Variants in CACNA2D3 observed in about 807,000 individuals in gnomAD.
CACNA2D3 encodes calcium voltage-gated channel auxiliary subunit alpha2delta 3, also known as voltage-dependent calcium channel subunit alpha-2/delta-3.
A neutral mutation model predicts 160.6 loss-of-function variants in CACNA2D3; 60 were observed. That is an observed-to-expected ratio of 0.37 (90% CI 0.30 to 0.46). CACNA2D3 has a LOEUF of 0.46. Ranked by LOEUF, CACNA2D3 falls within the 20% of genes least tolerant of loss-of-function variation. The pLI, the probability that CACNA2D3 is intolerant of heterozygous loss-of-function variation, is 1.00. For missense variants in CACNA2D3, 1,205 were observed against 1,365.0 expected, an observed-to-expected ratio of 0.88 and a Z score of 1.85; for synonymous variants, 558 against 492.9, an observed-to-expected ratio of 1.13 and a Z score of -1.75.
At chr3:54,920,885 C>T (rs141655283) in intron 27 of CACNA2D3, among the ~76,000 whole-genome samples, 3 of 152,170 alleles carry the variant, frequency 2.0e-5, no homozygotes, top group Admixed American at 1.3e-4. Flanking sequence ...TTCTGTTGTT[C>T]GGTATTAAGG....
rs573837091 is a variant in CACNA2D3 at position 54,705,292 on chromosome 3, C to T, written c.1168-47307C>T. 4.7e-4 allele frequency among the ~76,000 whole-genome samples: 72 copies of T among 152,238 alleles called. 2 individuals are homozygous for T. The highest frequency in any genetic ancestry group is 2.6e-4 in the Non-Finnish European group (18 of 68,028). ...TTCCCAGCAAAGTTAGCTCTTGGTG[C>T]TGCCAAATTATATTGTTTGTGTCAG... On this transcript the variant is annotated intron_variant, in intron 11 of 37. Coordinates refer to ENST00000474759, the MANE Select transcript of CACNA2D3 (RefSeq NM_018398.3).
rs141204280 is a variant in CACNA2D3 at position 54,672,530 on chromosome 3, T to C, written c.1167+30289T>C. Among the ~76,000 whole-genome samples, 235 of 152,292 alleles carry C rather than the reference T, an allele frequency of 1.5e-3. 2 individuals carry two copies. Among genetic ancestry groups the C allele is most frequent in the African/African-American group, 5.3e-3 (220 of 41,558 alleles). ...GACTCTGGCCTCATTTTAGGGGTTG[T>C]TTCCAGAATGAAAACTAAAGATGAA... is the stretch of plus-strand genomic sequence containing the variant. On this transcript the variant is annotated intron_variant, in intron 11 of 37. Transcript: ENST00000474759.
At chr3:54,134,346 C>T (rs1699776957) in intron 2 of CACNA2D3, among the ~76,000 whole-genome samples, 1 of 152,130 alleles carries the variant, frequency 6.6e-6, no homozygotes, top group Non-Finnish European at 1.5e-5. Context: ...CGTGCTTGCT[C>T]TTTCTGACCT....
chr3:54,506,778 T>TA (rs754294791), intron 5 of CACNA2D3, among the ~76,000 whole-genome samples: 76 of 152,308 alleles, frequency 5.0e-4, no homozygotes, highest in Non-Finnish European at 8.5e-4. Context: ...TTGTGAGTCT[T>TA]ACTATTTCGG....
chr3:54,836,040 A>AT (rs1698671627), intron 14 of CACNA2D3, among the ~76,000 whole-genome samples: 1 of 152,136 alleles, frequency 6.6e-6, no homozygotes, highest in South Asian at 2.1e-4. Flanking sequence ...GTCTTGGGCC[A>AT]AAGCCTACCA....
chr3:54,596,447 C>G (rs1375825576), intron 9 of CACNA2D3, among the ~76,000 whole-genome samples: 1 of 152,148 alleles, frequency 6.6e-6, no homozygotes, highest in Non-Finnish European at 1.5e-5. Flanking sequence ...CTATTAGTAC[C>G]TAGAAGGGGA....
intron 18 of CACNA2D3, among the ~76,000 whole-genome samples, chr3:54,873,487 C>A (rs1699588202): frequency 1.3e-5 from 2 of 152,100 alleles, no homozygotes; most frequent in South Asian, 4.1e-4. Flanking sequence ...CCAGTCATCA[C>A]CTGTGCCCCA....
intron 5 of CACNA2D3, among the ~76,000 whole-genome samples, chr3:54,521,728 A>G (rs1701649237): frequency 6.6e-6 from 1 of 152,024 alleles, no homozygotes; most frequent in Non-Finnish European, 1.5e-5. Context: ...TATGAGTTCT[A>G]TTTGAGTTTT....
At chr3:54,810,848 A>G (rs1323409630) in intron 13 of CACNA2D3, among the ~76,000 whole-genome samples, 2 of 152,212 alleles carry the variant, frequency 1.3e-5, no homozygotes, top group Non-Finnish European at 2.9e-5. Context: ...GAAGTGAATT[A>G]GGAGAATTAA....
chr3:54,826,567 C>T (rs914815698), intron 14 of CACNA2D3, among the ~76,000 whole-genome samples: 1 of 152,104 alleles, frequency 6.6e-6, no homozygotes, highest in East Asian at 1.9e-4. Context: ...TTGGATGGGA[C>T]CCATCCATAT....
chr3:54,263,846 C>T (rs1199826427), intron 2 of CACNA2D3, among the ~76,000 whole-genome samples: 1 of 152,180 alleles, frequency 6.6e-6, no homozygotes, highest in East Asian at 1.9e-4. Context: ...CTGTACCTGG[C>T]AGGGCTGGAA....
At chr3:54,783,498 C>T (rs1247709912) in intron 13 of CACNA2D3, among the ~76,000 whole-genome samples, 8 of 151,950 alleles carry the variant, frequency 5.3e-5, no homozygotes, top group East Asian at 1.9e-4. Flanking sequence ...CCCAGCTACT[C>T]GGGAGACTGA....
chr3:54,717,738 ATGTGTGGTGTGGTGTGTGCAAGCGTG>A (rs1320888685), intron 11 of CACNA2D3, among the ~76,000 whole-genome samples: 1 of 83,986 alleles, frequency 1.2e-5, no homozygotes, highest in Admixed American at 1.4e-4. Context: ...GTGTGTGTGC[ATGTGTGGTGTGGTGTGTGCAAGCGTG>A]TGTGTGGTGT....
intron 8 of CACNA2D3, among the ~76,000 whole-genome samples, chr3:54,575,388 A>T (rs573794993): frequency 6.6e-6 from 1 of 152,072 alleles, no homozygotes; most frequent in Admixed American, 6.5e-5. Context: ...GGGGGTAGAG[A>T]TTCTTATCTT....
chr3:54,467,534 G>T (rs773123002), intron 4 of CACNA2D3, among the ~76,000 whole-genome samples: 7 of 152,166 alleles, frequency 4.6e-5, no homozygotes, highest in Non-Finnish European at 8.8e-5. Flanking sequence ...CTGTGAGTCT[G>T]GTGTCCTCAT....
At chr3:54,379,305 C>A (rs1482892388) in intron 3 of CACNA2D3, among the ~76,000 whole-genome samples, 1 of 152,166 alleles carries the variant, frequency 6.6e-6, no homozygotes, top group East Asian at 1.9e-4. Context: ...AAGCTTATTT[C>A]TTCTACAGGA....
intron 5 of CACNA2D3, among the ~76,000 whole-genome samples, chr3:54,518,689 G>A (rs1701595044): frequency 6.6e-6 from 1 of 152,170 alleles, no homozygotes; most frequent in African/African-American, 2.4e-5. Context: ...TAAGGAGTTC[G>A]ATGAAGGAGA....
intron 4 of CACNA2D3, among the ~76,000 whole-genome samples, chr3:54,438,803 A>G (rs1700097869): frequency 6.6e-6 from 1 of 152,228 alleles, no homozygotes; most frequent in African/African-American, 2.4e-5. Flanking sequence ...ATCTTTACAA[A>G]TGATGTACTT....
At chr3:54,566,730 T>G (rs2106714093) in intron 6 of CACNA2D3, among the ~76,000 whole-genome samples, 1 of 152,304 alleles carries the variant, frequency 6.6e-6, no homozygotes, top group South Asian at 2.1e-4. Context: ...CAGGGGAGTT[T>G]GTTCCTGTAG....
Sources: allele counts gnomAD v4.1 joint callset (sites outside exome capture counted in the v4.1 genomes callset), GRCh38; gene constraint gnomAD v4.1.1; transcripts MANE v1.5; gene names NCBI Gene and HGNC (gene_info 2026-07-23, HGNC 2026-07-21).